FADS2: variants seen among roughly 807,000 people sequenced by gnomAD.
FADS2 encodes the protein acyl-CoA 6-desaturase.
In FADS2, 18 loss-of-function variants were observed where a neutral mutation model predicts 61.2. The ratio of observed to expected loss-of-function variants is 0.29; its 90% CI spans 0.20 to 0.44. FADS2 has a LOEUF of 0.44. Ranked by LOEUF, FADS2 falls within the 20% of genes least tolerant of loss-of-function variation. The pLI is 1.00. For missense variants in FADS2, 322 were observed against 572.7 expected (o/e 0.56, Z 4.47); for synonymous variants, 203 against 223.9 (o/e 0.91, Z 0.83).
intron 6 of FADS2, 127 bp downstream of exon 6, chr11:61,857,198 C>T (rs939743726): frequency 3.2e-5 from 28 of 862,590 alleles, no homozygotes; most frequent in African/African-American, 5.0e-5. Flanking sequence ...GAAGCGGGGG[C>T]CACAGCAGCC....
At chr11:61,831,504 G>A (rs748053489) in intron 1 of FADS2, among the ~76,000 whole-genome samples, 1 of 152,106 alleles carries the variant, frequency 6.6e-6, no homozygotes, top group Non-Finnish European at 1.5e-5. Context: ...CCTCAATAGG[G>A]CATTTTCTTT....
chr11:61,818,663 C>T (rs764706668), intron 1 of FADS2, among the ~76,000 whole-genome samples: 35 of 152,072 alleles, frequency 2.3e-4, no homozygotes, highest in Non-Finnish European at 3.4e-4. Context: ...AATCCTTCCC[C>T]GTGAAATAAG....
intron 2 of FADS2, among the ~76,000 whole-genome samples, chr11:61,839,055 C>A (rs2067197344): frequency 6.6e-6 from 1 of 152,144 alleles, no homozygotes; most frequent in Admixed American, 6.5e-5. Flanking sequence ...CCACTCTCCT[C>A]CCCGTCCGGC....
In FADS2 at chr11:61,840,658, AC is replaced by A; in HGVS notation, c.553del (p.Leu185CysfsTer21). The A allele has an allele frequency of 6.2e-7, 1 of 1,614,140 alleles. No homozygotes were observed. The highest frequency in any genetic ancestry group is 8.5e-7 in the Non-Finnish European group (1 of 1,180,008). On this transcript the variant is annotated frameshift_variant, in exon 4 of 12. Coordinates refer to ENST00000278840, the MANE Select transcript of FADS2 (RefSeq NM_004265.4). LOFTEE classifies it high-confidence loss of function. ...GGATGGCTGCAACATGATTATGGCC[AC>A]CTGTCTGTCTACAGAAAACCCAAGT... The part of the protein sequence containing the change: ...QAGWLQHDYG[H>X]LSVYRKPKWN...
At chr11:61,830,822 C>T (rs1225580617) in intron 1 of FADS2, among the ~76,000 whole-genome samples, 1 of 152,072 alleles carries the variant, frequency 6.6e-6, no homozygotes, top group African/African-American at 2.4e-5. Context: ...GCAACTGTAA[C>T]CACTAGATGA....
chr11:61,824,395 AGAGAGAGAGAG>A (rs2067054294), upstream of FADS2, among the ~76,000 whole-genome samples: 1 of 2,358 alleles, frequency 4.2e-4, no homozygotes, highest in Middle Eastern at 0.17. Flanking sequence ...GGAAAAAAAA[AGAGAGAGAGAG>A]AGAGAGAGAG....
intron 4 of FADS2, among the ~76,000 whole-genome samples, chr11:61,840,976 G>A (rs1289867408): frequency 2.0e-5 from 3 of 152,024 alleles, no homozygotes; most frequent in Non-Finnish European, 4.4e-5. Flanking sequence ...TTGGCTCAGC[G>A]GATTGTATTT....
At chr11:61,861,634 G>T (rs1285527773) in intron 7 of FADS2, among the ~76,000 whole-genome samples, 4 of 152,202 alleles carry the variant, frequency 2.6e-5, no homozygotes, top group Non-Finnish European at 5.9e-5. Flanking sequence ...CACCTTGAAG[G>T]CCACCTTATT....
At chr11:61,827,203 A>C (rs766704897), upstream of FADS2, among the ~76,000 whole-genome samples, 1 of 152,246 alleles carries the variant, frequency 6.6e-6, no homozygotes, top group East Asian at 1.9e-4. The surrounding 1 kb of genome is among the most constrained non-coding windows in gnomAD (Gnocchi z 4.5). Context: ...CCCCACGCCT[A>C]AAAGACCTAA....
Position 61,820,157 on chromosome 11 carries a change from C to A in FADS2, c.141+3731C>A, listed in dbSNP as rs112916556. On this transcript the variant is annotated intron_variant, in intron 1 of 11. Coordinates refer to the FADS2 transcript ENST00000257261. ...TGGTGAGACTGCACCTCAGAAAAAACCAAAAAACCCATACCACTTGTAAGA... is the reference window on the plus strand; with the variant it reads ...TGGTGAGACTGCACCTCAGAAAAAAACAAAAAACCCATACCACTTGTAAGA... Among the ~76,000 whole-genome samples the A allele has an allele frequency of 1.6e-3, 238 of 152,080 alleles. 1 individual carries two copies. The highest frequency in any genetic ancestry group is 4.7e-3 in the African/African-American group (193 of 41,482).
At chr11:61,839,573 T>C (rs929670335) in intron 2 of FADS2, among the ~76,000 whole-genome samples, 2 of 152,214 alleles carry the variant, frequency 1.3e-5, no homozygotes, top group Non-Finnish European at 2.9e-5. Flanking sequence ...TCTGCCTGCC[T>C]CGGCCACCCA....
chr11:61,865,576 T>C lies in FADS2; in HGVS notation c.1284-62T>C. 6.7e-7 allele frequency: 1 copy of C among 1,487,434 alleles called. No individual in the cohort carries two copies. Among genetic ancestry groups the C allele is most frequent in the Non-Finnish European group, 9.3e-7 (1 of 1,071,452 alleles). 92.1% of individuals were successfully genotyped at this position (1,487,434 alleles called of 1,614,324 possible). ...ACCTTAATGATGGCCTCCTCAGCCC[T>C]TGCACTCCCTGGGGCCACTCCCGTC... is the stretch of plus-strand genomic sequence containing the variant. On this transcript the variant is annotated intron_variant, in intron 11 of 11. Transcript: ENST00000278840. The surrounding 1 kb of genome is among the most constrained non-coding windows in gnomAD (Gnocchi z 4.1).
At position 61,838,301 on chromosome 11, in the gene FADS2, GC is replaced by G. The variant is rs200678130; in HGVS notation, c.318+419del. Among the ~76,000 whole-genome samples the G allele has an allele frequency of 1.6e-3, 248 of 152,160 alleles. 3 individuals carry two copies. Among genetic ancestry groups the G allele is most frequent in the African/African-American group, 5.8e-3 (241 of 41,444 alleles). On this transcript the variant is annotated intron_variant, in intron 2 of 11. Transcript: ENST00000278840. Reference sequence around the variant, plus strand: ...TCTGTTCATTGTCTGCAGGTCAGACGCCCCCCTGGGTGCTGGGCTTCCAGGA... The same window carrying G: ...TCTGTTCATTGTCTGCAGGTCAGACGCCCCCTGGGTGCTGGGCTTCCAGGA...
intron 4 of FADS2, among the ~76,000 whole-genome samples, chr11:61,843,563 G>A (rs118071758): frequency 1.9e-4 from 29 of 152,346 alleles, no homozygotes; most frequent in African/African-American, 4.8e-4. Context: ...TAAGGCACTC[G>A]CTTAGGGTAT....
upstream of FADS2, among the ~76,000 whole-genome samples, chr11:61,824,906 G>A (rs938788090): frequency 6.6e-6 from 1 of 152,060 alleles, no homozygotes; most frequent in African/African-American, 2.4e-5. Flanking sequence ...AGAGAATCAG[G>A]TGTTGGCCGG....
chr11:61,850,003 G>A (rs1284930857), intron 5 of FADS2, among the ~76,000 whole-genome samples: 1 of 152,150 alleles, frequency 6.6e-6, no homozygotes, highest in Admixed American at 6.6e-5. Flanking sequence ...CTGCACTCCA[G>A]CGGGGACAGA....
In FADS2 at chr11:61,828,349, G is replaced by T. The variant is rs1200277286; in HGVS notation, c.-42G>T. ...CGTCTGTGCAGCGAGCAGCCGGCGC[G>T]GGGAGGCCGCAGTGCACGGGGCGTC... On this transcript the variant is annotated 5_prime_UTR_variant, in exon 1 of 12. Transcript: ENST00000278840. This position sits in a 1 kb window ranked among gnomAD's most constrained non-coding sequence, Gnocchi z 6.4. The T allele has an allele frequency of 2.6e-6, 4 of 1,543,944 alleles. No individual in the cohort carries two copies. The highest frequency in any genetic ancestry group is 2.4e-5 in the South Asian group (2 of 83,374).
chr11:61,821,487 C>A, intron 1 of FADS2: 1 of 695,552 alleles, frequency 1.4e-6, no homozygotes, highest in South Asian at 1.5e-5. Flanking sequence ...AAATTTTGAT[C>A]CATTTTAACA....
At chr11:61,844,904 G>A (rs781431830) in intron 4 of FADS2, among the ~76,000 whole-genome samples, 1 of 147,186 alleles carries the variant, frequency 6.8e-6, no homozygotes, top group East Asian at 2.0e-4. Context: ...CAGCCTGGGC[G>A]ACAGAGGAAG....
Sources: allele counts gnomAD v4.1 joint callset (sites outside exome capture counted in the v4.1 genomes callset), GRCh38; gene constraint gnomAD v4.1.1; non-coding constraint Gnocchi (gnomAD v3.1); transcripts MANE v1.5; gene names NCBI Gene and HGNC (gene_info 2026-07-23, HGNC 2026-07-21).